The following COPG2 variants were observed in gnomAD, a reference collection of about 807,000 sequenced individuals.
COPG2 encodes coatomer subunit gamma-2.
Under a neutral mutation model 46.3 loss-of-function variants are expected in COPG2, and 37 were observed. That is an observed-to-expected ratio of 0.80 (90% confidence interval 0.61 to 1.05). The LOEUF (loss-of-function observed/expected upper bound fraction) is 1.05, where lower values mean the gene tolerates loss of function less well. Among genes scored for constraint, COPG2 ranks in the 50% least tolerant of loss-of-function variants. COPG2 has a pLI of 0.00. For missense variants in COPG2, 427 were observed against 387.8 expected (o/e 1.10, Z -0.85); for synonymous variants, 159 against 129.7 (o/e 1.23, Z -1.53).
At chr7:130,638,324 C>A (rs1795386182) in intron 5 of COPG2, among the ~76,000 whole-genome samples, 1 of 152,196 alleles carries the variant, frequency 6.6e-6, no homozygotes, top group African/African-American at 2.4e-5. Flanking sequence ...ACTGTGCCCA[C>A]AGCCGCCCCT....
At chr7:130,514,051 GAAATCTTGT>G (rs1554441407) in intron 20 of COPG2, among the ~76,000 whole-genome samples, 1 of 152,254 alleles carries the variant, frequency 6.6e-6, no homozygotes, top group African/African-American at 2.4e-5. Flanking sequence ...CCCAGAATGG[GAAATCTTGT>G]AAACCCTTAA....
intron 9 of COPG2, among the ~76,000 whole-genome samples, chr7:130,567,671 A>G (rs1353646649): frequency 2.6e-5 from 4 of 152,196 alleles, no homozygotes; most frequent in Non-Finnish European, 1.5e-5. Flanking sequence ...CCTCCTTAAA[A>G]AAAATAATTA....
chr7:130,583,493 TAAAAAAAAAAAA>T (rs782593413), intron 9 of COPG2, among the ~76,000 whole-genome samples: 2 of 34,368 alleles, frequency 5.8e-5, no homozygotes, highest in Non-Finnish European at 9.7e-5. Flanking sequence ...ACATAAAGTA[TAAAAAAAAAAAA>T]AAAAAAAAAA....
intron 9 of COPG2, among the ~76,000 whole-genome samples, chr7:130,586,852 A>C (rs1554448080): frequency 6.6e-6 from 1 of 151,986 alleles, no homozygotes; most frequent in African/African-American, 2.4e-5. Context: ...ACCAAAAGTA[A>C]CTTCTTTCAA....
At chr7:130,533,552 G>A (rs1157115613) in intron 20 of COPG2, among the ~76,000 whole-genome samples, 8 of 151,996 alleles carry the variant, frequency 5.3e-5, no homozygotes, top group East Asian at 1.9e-4. Context: ...AAGGAAGGTC[G>A]GGGGGATGCC....
At chr7:130,595,895 C>T (rs1794518929) in intron 9 of COPG2, among the ~76,000 whole-genome samples, 1 of 152,176 alleles carries the variant, frequency 6.6e-6, no homozygotes, top group Non-Finnish European at 1.5e-5. Context: ...TTGGTAAGTC[C>T]CATTGGGGCC....
At chr7:130,635,003 G>A (rs1324116111) in intron 5 of COPG2, among the ~76,000 whole-genome samples, 1 of 150,930 alleles carries the variant, frequency 6.6e-6, no homozygotes, top group Non-Finnish European at 1.5e-5. Context: ...TTTATGTGAT[G>A]GATTACATTT....
intron 9 of COPG2, among the ~76,000 whole-genome samples, chr7:130,583,344 TG>T (rs1220254622): frequency 4.5e-5 from 1 of 22,302 alleles, no homozygotes; most frequent in African/African-American, 1.8e-4. Flanking sequence ...CTGGGGACTG[TG>T]GGGGGTGGGG....
At chr7:130,538,578 A>G (rs1799907247) in intron 20 of COPG2, among the ~76,000 whole-genome samples, 1 of 151,866 alleles carries the variant, frequency 6.6e-6, no homozygotes, top group Admixed American at 6.6e-5. Context: ...AGTAGGGGGA[A>G]GGTGCCTAAG....
At chr7:130,552,206 G>A in intron 15 of COPG2, 149 bp downstream of exon 15, 1 of 388,774 alleles carries the variant, frequency 2.6e-6, no homozygotes, top group Non-Finnish European at 4.5e-6. Context: ...TTACTAAAAA[G>A]AGAAAGGAAT....
chr7:130,621,968 A>C (rs1795047256), intron 5 of COPG2, among the ~76,000 whole-genome samples: 1 of 143,906 alleles, frequency 6.9e-6, no homozygotes, highest in South Asian at 2.2e-4. Context: ...AAAAAAAAAG[A>C]CAACAAAAAA....
intron 7 of COPG2, 33 bp from the exon 8 acceptor site, chr7:130,612,271 A>G: frequency 7.5e-7 from 1 of 1,335,616 alleles, no homozygotes; most frequent in Non-Finnish European, 1.0e-6. Context: ...GAGAATAAAT[A>G]ATGCTTGGTC....
intron 9 of COPG2, among the ~76,000 whole-genome samples, chr7:130,597,424 C>G (rs1242890038): frequency 6.6e-6 from 1 of 152,176 alleles, no homozygotes; most frequent in Non-Finnish European, 1.5e-5. Flanking sequence ...CTGAGTTAAC[C>G]TGGGGACATA....
intron 9 of COPG2, among the ~76,000 whole-genome samples, chr7:130,591,797 C>T (rs1267107632): frequency 2.0e-5 from 3 of 150,644 alleles, no homozygotes; most frequent in African/African-American, 7.4e-5. Flanking sequence ...GCCCCCCGCC[C>T]GGCCAGCCGC....
chr7:130,565,747 T>G (rs1372834316), intron 9 of COPG2, among the ~76,000 whole-genome samples: 4 of 152,306 alleles, frequency 2.6e-5, no homozygotes, highest in East Asian at 1.9e-4. Context: ...AAATGATTTT[T>G]TTTTTTAAGA....
At chr7:130,507,599 T>TA (rs1584956752) in intron 22 of COPG2, 86 bp downstream of exon 22, 7 of 669,252 alleles carry the variant, frequency 1.0e-5, no homozygotes, top group East Asian at 2.6e-5. Flanking sequence ...TTTTTTTTTT[T>TA]AAAGGAGTTC....
chr7:130,667,413 A>G (rs1402193130), intron 2 of COPG2, 69 bp downstream of exon 2: 1 of 1,271,014 alleles, frequency 7.9e-7, no homozygotes. Flanking sequence ...ACAGCAGCCC[A>G]GGGATTCTCT....
At chr7:130,628,970 C>G (rs1795173606) in intron 5 of COPG2, among the ~76,000 whole-genome samples, 1 of 152,158 alleles carries the variant, frequency 6.6e-6, no homozygotes, top group South Asian at 2.1e-4. Flanking sequence ...ACTGCTTGAG[C>G]ACAGGAGTCA....
intron 9 of COPG2, among the ~76,000 whole-genome samples, chr7:130,568,620 T>A (rs1484228892): frequency 6.6e-6 from 1 of 152,144 alleles, no homozygotes; most frequent in Non-Finnish European, 1.5e-5. Flanking sequence ...GTGGTGTACT[T>A]CAATACTCCA....
Sources: gnomAD v4.1 joint callset for allele counts (sites outside exome capture counted in the v4.1 genomes callset) on GRCh38, gnomAD v4.1.1 for gene constraint, MANE v1.5 for transcripts, NCBI Gene and HGNC (gene_info 2026-07-23, HGNC 2026-07-21) for gene names.